Variants in SLIT3 observed in about 807,000 individuals in gnomAD.
SLIT3 encodes slit homolog 3 protein.
In SLIT3, 68 loss-of-function variants were observed where a neutral mutation model predicts 184.0. The ratio of observed to expected loss-of-function variants is 0.37; its 90% confidence interval spans 0.30 to 0.45. SLIT3 has a LOEUF of 0.45. Among genes scored for constraint, SLIT3 ranks in the 20% least tolerant of loss-of-function variants. The pLI is 1.00. For synonymous variants in SLIT3, 831 were observed against 828.6 expected (o/e 1.00, Z -0.05); for missense variants, 1,707 against 2,026.0 (o/e 0.84, Z 3.02).
intron 4 of SLIT3, among the ~76,000 whole-genome samples, chr5:168,937,579 T>C (rs879448042): frequency 6.6e-6 from 1 of 152,058 alleles, no homozygotes; most frequent in Non-Finnish European, 1.5e-5. Flanking sequence ...CTAGATGGCA[T>C]TGGCCTTGTG....
chr5:169,087,270 G>T (rs925614406), intron 4 of SLIT3, among the ~76,000 whole-genome samples: 1 of 152,222 alleles, frequency 6.6e-6, no homozygotes, highest in Admixed American at 6.5e-5. Context: ...GGTGGTGAGA[G>T]GGGTAGAGGA....
At chr5:168,962,386 C>G (rs562733859) in intron 4 of SLIT3, among the ~76,000 whole-genome samples, 1 of 151,878 alleles carries the variant, frequency 6.6e-6, no homozygotes, top group South Asian at 2.1e-4. Flanking sequence ...ACTTTTTCCC[C>G]AGACAAATAA....
At chr5:168,912,070 T>A (rs890519532) in intron 4 of SLIT3, among the ~76,000 whole-genome samples, 13 of 152,160 alleles carry the variant, frequency 8.5e-5, no homozygotes, top group African/African-American at 2.9e-4. Context: ...CTCCTCTTCT[T>A]CCTCCTGCTC....
At chr5:169,224,478 C>T (rs918409438) in intron 3 of SLIT3, among the ~76,000 whole-genome samples, 2 of 150,158 alleles carry the variant, frequency 1.3e-5, no homozygotes, top group African/African-American at 4.9e-5. Flanking sequence ...AGTGATCCTC[C>T]CACCTCAACT....
intron 12 of SLIT3, among the ~76,000 whole-genome samples, chr5:168,775,530 C>A (rs1281904728): frequency 1.4e-5 from 2 of 147,542 alleles, no homozygotes; most frequent in Non-Finnish European, 3.0e-5. Context: ...TCTCTCACAC[C>A]CCCGTTTATT....
chr5:169,181,111 T>C (rs1763137281), intron 4 of SLIT3, among the ~76,000 whole-genome samples: 1 of 152,214 alleles, frequency 6.6e-6, no homozygotes, highest in Non-Finnish European at 1.5e-5. Context: ...CCCCCAACCA[T>C]CACTGCAGCT....
intron 4 of SLIT3, among the ~76,000 whole-genome samples, chr5:169,011,335 G>T (rs1389357768): frequency 6.6e-6 from 1 of 152,172 alleles, no homozygotes; most frequent in Non-Finnish European, 1.5e-5. Flanking sequence ...AATTTGGAGA[G>T]GTGACCATAG....
intron 33 of SLIT3, among the ~76,000 whole-genome samples, chr5:168,672,107 C>T (rs1321001439): frequency 1.3e-5 from 2 of 152,230 alleles, no homozygotes; most frequent in East Asian, 1.9e-4. Context: ...CTACACCATT[C>T]CCTGCCCACC....
rs555712400 is a variant in SLIT3, at chr5:169,031,785, T to C, written c.414-148449A>G. 2.0e-5 allele frequency among the ~76,000 whole-genome samples: 3 copies of C among 152,326 alleles called. No homozygotes were observed. The South Asian group carries it at 6.2e-4, about 32-fold the overall frequency. On this transcript the variant is annotated intron_variant, in intron 4 of 35. Coordinates refer to ENST00000519560, the MANE Select transcript of SLIT3 (RefSeq NM_003062.4). ...AAGAGGTATCATGATTGATTGACTA[T>C]CATGATGACTTCGGCTATTGTCTGG...
At chr5:168,680,253 T>G (rs1161898898) in intron 32 of SLIT3, among the ~76,000 whole-genome samples, 2 of 152,238 alleles carry the variant, frequency 1.3e-5, no homozygotes, top group Non-Finnish European at 2.9e-5. Context: ...CTCACAAGTC[T>G]CAGTGCCAAG....
intron 4 of SLIT3, among the ~76,000 whole-genome samples, chr5:169,102,544 T>C (rs1760059642): frequency 6.6e-6 from 1 of 152,216 alleles, no homozygotes; most frequent in Non-Finnish European, 1.5e-5. Context: ...ATTTATTAGA[T>C]GTATTTTAAA....
At chr5:168,875,514 A>G (rs557639083) in intron 5 of SLIT3, among the ~76,000 whole-genome samples, 1 of 152,102 alleles carries the variant, frequency 6.6e-6, no homozygotes, top group East Asian at 1.9e-4. Flanking sequence ...GGCACCGGTA[A>G]TCCCAGTTAC....
chr5:168,722,303 C>T lies in SLIT3; in HGVS notation c.2436G>A (p.Arg812=). The T allele has an allele frequency of 1.2e-6, 2 of 1,614,154 alleles. No homozygotes were observed. The highest frequency in any genetic ancestry group is 1.7e-6 in the Non-Finnish European group (2 of 1,180,038). Residue 812 remains arginine (R), a synonymous_variant, in exon 23 of 36, where the codon AGG becomes AGA. Transcript: ENST00000519560. ...CGTTGAAGGCGTGGACGGGGATGCA[C>T]CTCAGCCGGTTGTAGCTCAGGATCC... ...STLILSYNRL[R]CIPVHAFNGL... is the part of the protein sequence containing the mutation.
At chr5:169,123,070 G>A (rs943330210) in intron 4 of SLIT3, among the ~76,000 whole-genome samples, 6 of 151,710 alleles carry the variant, frequency 4.0e-5, no homozygotes, top group Admixed American at 1.3e-4. Context: ...AATGGAAAAC[G>A]TTTACTATGA....
At chr5:168,840,969 C>T (rs1459349151) in intron 6 of SLIT3, among the ~76,000 whole-genome samples, 3 of 152,186 alleles carry the variant, frequency 2.0e-5, no homozygotes, top group South Asian at 2.1e-4. Flanking sequence ...ACTTTGTGGG[C>T]ACCCGTTAAC....
chr5:169,296,426 G>A (rs1188942244), intron 1 of SLIT3, among the ~76,000 whole-genome samples: 1 of 152,176 alleles, frequency 6.6e-6, no homozygotes, highest in Non-Finnish European at 1.5e-5. Context: ...CACCATGGAG[G>A]CTATACCGGT....
At chr5:168,982,769 C>G (rs1306318082) in intron 4 of SLIT3, among the ~76,000 whole-genome samples, 4 of 152,154 alleles carry the variant, frequency 2.6e-5, no homozygotes, top group Non-Finnish European at 4.4e-5. Flanking sequence ...AGCCTTGTCT[C>G]TGAACTAAAA....
At chr5:168,674,489 CTTTTTTTTTT>C (rs141548947) in intron 32 of SLIT3, among the ~76,000 whole-genome samples, 16 of 119,928 alleles carry the variant, frequency 1.3e-4, no homozygotes, top group African/African-American at 1.6e-4. Context: ...GGGATATTCA[CTTTTTTTTTT>C]TTTTTTTTTT....
At chr5:169,297,232 A>G (rs978791103) in intron 1 of SLIT3, among the ~76,000 whole-genome samples, 3 of 152,064 alleles carry the variant, frequency 2.0e-5, no homozygotes, top group Non-Finnish European at 4.4e-5. Flanking sequence ...ATGGAGGGGG[A>G]AAAATTGTCA....
Sources: allele counts gnomAD v4.1 joint callset (sites outside exome capture counted in the v4.1 genomes callset), GRCh38; gene constraint gnomAD v4.1.1; transcripts MANE v1.5; gene names NCBI Gene and HGNC (gene_info 2026-07-23, HGNC 2026-07-21).